DISC1: variants seen among roughly 807,000 people sequenced by gnomAD.
DISC1 encodes DISC1 scaffold protein.
Under a neutral mutation model 84.5 loss-of-function variants are expected in DISC1, and 57 were observed. The ratio of observed to expected loss-of-function variants is 0.67; its 90% CI spans 0.55 to 0.84. The LOEUF (loss-of-function observed/expected upper bound fraction) is 0.84. DISC1 is among the 40% of genes least tolerant of loss of function. The pLI is 0.00. For missense variants in DISC1, 1,000 were observed against 1,057.8 expected, an observed-to-expected ratio of 0.95 and a Z score of 0.76; for synonymous variants, 411 against 415.2, an observed-to-expected ratio of 0.99 and a Z score of 0.12.
chr1:231,733,995 CTG>C (rs1301331497), intron 3 of DISC1, among the ~76,000 whole-genome samples: 1 of 143,588 alleles, frequency 7.0e-6, no homozygotes. Flanking sequence ...GATGACCTGA[CTG>C]GTGGTGGTGG....
intron 1 of DISC1, among the ~76,000 whole-genome samples, chr1:231,673,747 G>A (rs1452402833): frequency 6.6e-6 from 1 of 152,216 alleles, no homozygotes; most frequent in African/African-American, 2.4e-5. Context: ...TGGACACTTC[G>A]ACTGTGTCGT....
At chr1:231,861,452 G>GTTTT (rs59522401) in intron 9 of DISC1, among the ~76,000 whole-genome samples, 1 of 88,966 alleles carries the variant, frequency 1.1e-5, no homozygotes, top group African/African-American at 3.9e-5. Flanking sequence ...ATTTTGACAA[G>GTTTT]TTTTTTTTTT....
At chr1:231,933,189 G>A (rs774625667) in intron 9 of DISC1, among the ~76,000 whole-genome samples, 4 of 152,198 alleles carry the variant, frequency 2.6e-5, no homozygotes, top group Non-Finnish European at 4.4e-5. Flanking sequence ...ATGAGGTGTA[G>A]AGATGCTAGT....
At chr1:231,741,129 T>C (rs910087409) in intron 3 of DISC1, among the ~76,000 whole-genome samples, 1 of 152,228 alleles carries the variant, frequency 6.6e-6, no homozygotes, top group African/African-American at 2.4e-5. Context: ...TAATTCATCC[T>C]TGCAGAAGTG....
intron 10 of DISC1, among the ~76,000 whole-genome samples, chr1:231,987,336 C>T (rs990365349): frequency 1.2e-4 from 19 of 152,218 alleles, no homozygotes; most frequent in African/African-American, 4.6e-4. Context: ...AGTCACATTG[C>T]CTTCATCGTC....
intron 9 of DISC1, among the ~76,000 whole-genome samples, chr1:231,935,807 C>T (rs2090948581): frequency 6.6e-6 from 1 of 152,160 alleles, no homozygotes; most frequent in Non-Finnish European, 1.5e-5. Flanking sequence ...CTTAATAGAA[C>T]ACACATGCAA....
intron 3 of DISC1, among the ~76,000 whole-genome samples, chr1:231,728,648 G>A (rs1028973021): frequency 1.3e-5 from 2 of 152,172 alleles, no homozygotes; most frequent in Non-Finnish European, 2.9e-5. Context: ...GTTCTACCAA[G>A]GACCTGAGGT....
intron 10 of DISC1, among the ~76,000 whole-genome samples, chr1:232,004,469 T>A (rs1667089932): frequency 6.6e-6 from 1 of 152,064 alleles, no homozygotes. Flanking sequence ...TAAAAAAGGA[T>A]TAATTTATAT....
chr1:231,837,888 C>G (rs16841582), intron 9 of DISC1, among the ~76,000 whole-genome samples: 90,076 of 152,052 alleles, frequency 0.59, 27,043 homozygotes, highest in Middle Eastern at 0.66. Flanking sequence ...TGGCAAATTT[C>G]GTTGCCACAA....
rs1354023507 is a variant in DISC1 at position 231,694,471 on chromosome 1, A to C, written c.713A>C (p.His238Pro). ...GCPPSREAES[H>P]CQSPQEMGAK... ...CCACCATCCAGAGAGGCTGAGTCCC[A>C]TTGCCAGAGCCCCCAGGAGATGGGA... is the stretch of plus-strand genomic sequence containing the variant. Residue 238 changes from histidine to proline, a missense_variant, in exon 2 of 13, where the codon CAT becomes CCT. His to Pro is a moderately conservative substitution (Grantham distance 77). Around this residue, in one of 3 missense-constraint regions of DISC1, gnomAD observed 311 missense variants for 400.1 expected, o/e 0.78. Transcript: ENST00000439617. 6.2e-7 allele frequency: 1 copy of C among 1,614,144 alleles called. No homozygotes were observed. The highest frequency in any genetic ancestry group is 1.3e-5 in the African/African-American group (1 of 74,942).
At chr1:231,980,372 C>A (rs2102865825) in intron 10 of DISC1, among the ~76,000 whole-genome samples, 1 of 152,224 alleles carries the variant, frequency 6.6e-6, no homozygotes, top group East Asian at 1.9e-4. Flanking sequence ...AATGGGAAAC[C>A]AGAATCCTCT....
At chr1:231,716,469 AG>A (rs921933064) in intron 3 of DISC1, among the ~76,000 whole-genome samples, 2 of 152,204 alleles carry the variant, frequency 1.3e-5, no homozygotes, top group African/African-American at 4.8e-5. Flanking sequence ...TTCATGACCT[AG>A]AATCTCTCGT....
intron 1 of DISC1, among the ~76,000 whole-genome samples, chr1:231,681,961 A>G (rs922881128): frequency 2.0e-5 from 3 of 152,112 alleles, no homozygotes; most frequent in African/African-American, 7.2e-5. Flanking sequence ...TGGCCTCTCA[A>G]AGTGCTGGGA....
intron 9 of DISC1, among the ~76,000 whole-genome samples, chr1:231,857,339 G>A (rs116381195): frequency 6.6e-6 from 1 of 152,188 alleles, no homozygotes; most frequent in East Asian, 1.9e-4. Context: ...TGTTGACATG[G>A]ATAGCCTGTC....
intron 9 of DISC1, among the ~76,000 whole-genome samples, chr1:231,862,844 C>T (rs1385436886): frequency 2.6e-5 from 4 of 152,260 alleles, no homozygotes; most frequent in East Asian, 1.9e-4. Flanking sequence ...CTGGAGATTT[C>T]GTGTGTCAGG....
intron 10 of DISC1, among the ~76,000 whole-genome samples, chr1:231,998,752 G>A (rs1282922505): frequency 6.6e-6 from 1 of 152,178 alleles, no homozygotes; most frequent in Admixed American, 6.5e-5. Context: ...TATGAGTGGT[G>A]TCACAGAGTA....
Position 231,771,419 on chromosome 1 carries a change from G to A in DISC1, c.1634+349G>A, listed in dbSNP as rs961408030. On this transcript the variant is annotated intron_variant, in intron 6 of 12. Coordinates refer to ENST00000439617, the MANE Select transcript of DISC1 (RefSeq NM_018662.3). ...CCTAATGCCAACTTTTGCTGAGGAC[G>A]ATCATCTGGATGAACTATGCCTCTC... The A allele has an allele frequency of 1.5e-5, 15 of 985,252 alleles. No homozygotes were observed. In the Admixed American group the frequency reaches 5.5e-4, roughly 36 times the overall value. 61.0% of individuals were successfully genotyped at this position (985,252 alleles called of 1,614,324 possible).
intron 10 of DISC1, among the ~76,000 whole-genome samples, chr1:231,990,169 G>A (rs1205636048): frequency 1.3e-5 from 2 of 152,178 alleles, no homozygotes; most frequent in South Asian, 2.1e-4. Flanking sequence ...ATATTTCTTA[G>A]TATTGTCTGG....
chr1:231,991,244 A>G (rs1445442534), intron 10 of DISC1, among the ~76,000 whole-genome samples: 1 of 152,258 alleles, frequency 6.6e-6, no homozygotes, highest in Non-Finnish European at 1.5e-5. Context: ...GGCATTTATT[A>G]GCGAGCCCTC....
Sources: allele counts gnomAD v4.1 joint callset (sites outside exome capture counted in the v4.1 genomes callset), GRCh38; gene constraint gnomAD v4.1.1; regional missense constraint gnomAD v4.1.1; transcripts MANE v1.5; gene names NCBI Gene and HGNC (gene_info 2026-07-23, HGNC 2026-07-21).